Variants in TMPRSS15 observed in about 807,000 individuals in gnomAD.
TMPRSS15 encodes the protein enteropeptidase.
Under a neutral mutation model 125.3 loss-of-function variants are expected in TMPRSS15, and 128 were observed. The observed-to-expected ratio is 1.02, with a 90% CI of 0.89 to 1.18. The LOEUF (loss-of-function observed/expected upper bound fraction) is 1.18, where lower values mean the gene tolerates loss of function less well. Ranked by LOEUF, TMPRSS15 falls within the 50% of genes most tolerant of loss-of-function variation. TMPRSS15 has a pLI of 0.00. For missense variants in TMPRSS15, 1,283 were observed against 1,212.7 expected, an observed-to-expected ratio of 1.06 and a Z score of -0.86; for synonymous variants, 446 against 423.2, an observed-to-expected ratio of 1.05 and a Z score of -0.66.
chr21:18,434,317 T>C (rs9941786), intron 1 of TMPRSS15, among the ~76,000 whole-genome samples: 5,970 of 152,214 alleles, frequency 0.039, 259 homozygotes, highest in African/African-American at 0.11. Context: ...TGTACACACA[T>C]AAGTATAAAC....
At chr21:18,301,074 T>A (rs981181792) in intron 18 of TMPRSS15, among the ~76,000 whole-genome samples, 1 of 152,246 alleles carries the variant, frequency 6.6e-6, no homozygotes, top group South Asian at 2.1e-4. Flanking sequence ...TTATTTAGAG[T>A]AGTTGAACAA....
chr21:18,283,308 C>A (rs1465585011), intron 21 of TMPRSS15, among the ~76,000 whole-genome samples: 1 of 152,126 alleles, frequency 6.6e-6, no homozygotes, highest in Non-Finnish European at 1.5e-5. Flanking sequence ...CTTGAGTAGC[C>A]TGCCTGTTAA....
chr21:18,379,734 G>A (rs1386282473), intron 4 of TMPRSS15, among the ~76,000 whole-genome samples: 1 of 152,046 alleles, frequency 6.6e-6, no homozygotes, highest in Non-Finnish European at 1.5e-5. Flanking sequence ...TTTGATTTCT[G>A]AGTTTGACAC....
At chr21:18,376,457 C>T (rs1359220769) in intron 5 of TMPRSS15, among the ~76,000 whole-genome samples, 1 of 152,196 alleles carries the variant, frequency 6.6e-6, no homozygotes, top group African/African-American at 2.4e-5. Flanking sequence ...GAAAATAATT[C>T]TACCTTGAGT....
At chr21:18,312,090 A>T (rs2075106564) in intron 18 of TMPRSS15, among the ~76,000 whole-genome samples, 2 of 152,160 alleles carry the variant, frequency 1.3e-5, no homozygotes, top group Admixed American at 1.3e-4. Flanking sequence ...TATAAGTTAT[A>T]AAGATAACCA....
intron 1 of TMPRSS15, among the ~76,000 whole-genome samples, chr21:18,443,259 C>G (rs2076246898): frequency 6.6e-6 from 1 of 152,194 alleles, no homozygotes. Flanking sequence ...CTGGTGAACA[C>G]TGACTCTGCA....
chr21:18,376,833 T>C (rs1404748788), intron 5 of TMPRSS15, among the ~76,000 whole-genome samples: 1 of 152,190 alleles, frequency 6.6e-6, no homozygotes, highest in African/African-American at 2.4e-5. Context: ...AGCTGAATGA[T>C]AGAGCATAAT....
chr21:18,341,463 C>T lies in TMPRSS15; in HGVS notation c.1514G>A (p.Ser505Asn), dbSNP rs1364061645. The change falls in exon 13 of 25, where the codon AGT becomes AAT. Residue 505 changes from serine to asparagine, a missense_variant. Transcript: ENST00000284885. ...CACCAAAGTTGGTTCTGGATAAAGA[C>T]TCCCATTGCAAATCCCATATGTTAG... The part of the protein sequence containing the change: ...ISLTYGICNG[S>N]LYPEPTLVPT... 2 of 1,614,132 alleles carry T rather than the reference C, an allele frequency of 1.2e-6. No homozygotes were observed. Among genetic ancestry groups the T allele is most frequent in the East Asian group, 2.2e-5 (1 of 44,886 alleles).
chr21:18,288,256 C>T (rs1436043598), intron 21 of TMPRSS15, among the ~76,000 whole-genome samples: 1 of 152,012 alleles, frequency 6.6e-6, no homozygotes, highest in African/African-American at 2.4e-5. Flanking sequence ...TTCAAATATT[C>T]CCACTTATAA....
chr21:18,413,312 T>TTCTTTTCC, intron 1 of TMPRSS15, among the ~76,000 whole-genome samples: 1 of 94,862 alleles, frequency 1.1e-5, no homozygotes, highest in Non-Finnish European at 2.1e-5. Flanking sequence ...TTTTCTTTCT[T>TTCTTTTCC]TTCCTTCCTT....
intron 1 of TMPRSS15, among the ~76,000 whole-genome samples, chr21:18,442,045 C>T (rs373845028): frequency 6.6e-5 from 10 of 152,086 alleles, no homozygotes; most frequent in Admixed American, 2.0e-4. Context: ...CTTAGTTTAA[C>T]GTAATCTCCT....
intron 1 of TMPRSS15, among the ~76,000 whole-genome samples, chr21:18,452,940 T>A (rs1978369131): frequency 6.6e-6 from 1 of 152,198 alleles, no homozygotes; most frequent in African/African-American, 2.4e-5. Flanking sequence ...TTATTGTTTT[T>A]GTAGTATGAA....
At chr21:18,476,222 T>C (rs553116778) in intron 1 of TMPRSS15, among the ~76,000 whole-genome samples, 1 of 152,318 alleles carries the variant, frequency 6.6e-6, no homozygotes, top group African/African-American at 2.4e-5. Context: ...GGCTTTAGAA[T>C]ATCCTGAGAA....
chr21:18,322,955 A>T (rs933763957), intron 16 of TMPRSS15, among the ~76,000 whole-genome samples: 6 of 152,224 alleles, frequency 3.9e-5, no homozygotes, highest in African/African-American at 1.4e-4. Flanking sequence ...ATGATTATAA[A>T]TTGTATGCTT....
rs1433198713 is a variant in TMPRSS15, at chr21:18,327,889, T to C, written c.1780+1280A>G. ...CAACATGGTGAAACCCCGTCTCTACTAAAAATACAAAAAATTAGCCGGGCG... is the reference window on the plus strand; with the variant it reads ...CAACATGGTGAAACCCCGTCTCTACCAAAAATACAAAAAATTAGCCGGGCG... On this transcript the variant is annotated intron_variant, in intron 15 of 24. Transcript: ENST00000284885. Among the ~76,000 whole-genome samples, 26 of 152,008 alleles carry C rather than the reference T, an allele frequency of 1.7e-4. 1 individual carries two copies. The highest frequency in any genetic ancestry group is 1.7e-3 in the Admixed American group (26 of 15,258).
intron 10 of TMPRSS15, among the ~76,000 whole-genome samples, chr21:18,347,032 A>C (rs1350817228): frequency 6.6e-6 from 1 of 151,602 alleles, no homozygotes; most frequent in East Asian, 1.9e-4. Flanking sequence ...ATTTTTTGAC[A>C]CTTTGTGTCT....
chr21:18,269,280 CTT>C lies in TMPRSS15; in HGVS notation c.*687_*688del, dbSNP rs978726891. ...GGTATGTCTGATTATTTTCTTGAGA[CTT>C]AAAAATACTTGCTTGAAATAAATAG... On this transcript the variant is annotated 3_prime_UTR_variant, in exon 25 of 25. Coordinates refer to ENST00000284885, the MANE Select transcript of TMPRSS15 (RefSeq NM_002772.3). 3.9e-5 allele frequency: 6 copies of C among 152,122 alleles called. No homozygotes were observed. The highest frequency in any genetic ancestry group is 1.4e-4 in the African/African-American group (6 of 41,404). 9.4% of individuals were successfully genotyped at this position (152,122 alleles called of 1,614,324 possible).
At chr21:18,392,414 G>T (rs1348972558) in intron 3 of TMPRSS15, among the ~76,000 whole-genome samples, 1 of 152,182 alleles carries the variant, frequency 6.6e-6, no homozygotes, top group African/African-American at 2.4e-5. Context: ...TTAAAGGATA[G>T]TAAGAATAAC....
chr21:18,344,189 G>T, intron 10 of TMPRSS15, 129 bp from the exon 11 acceptor site: 1 of 781,942 alleles, frequency 1.3e-6, no homozygotes, highest in Middle Eastern at 3.7e-4. Context: ...TAATATAGTG[G>T]ACAGGACACT....
Sources: gnomAD v4.1 joint callset for allele counts (sites outside exome capture counted in the v4.1 genomes callset) on GRCh38, gnomAD v4.1.1 for gene constraint, MANE v1.5 for transcripts, NCBI Gene and HGNC (gene_info 2026-07-23, HGNC 2026-07-21) for gene names.